Variants in NWD2 observed in about 807,000 individuals in gnomAD.
The protein encoded by NWD2 is NACHT and WD repeat domain containing 2, also known as NACHT and WD repeat domain-containing protein 2.
Under a neutral mutation model 132.7 loss-of-function variants are expected in NWD2, and 37 were observed. The ratio of observed to expected loss-of-function variants is 0.28; its 90% CI spans 0.21 to 0.37. The LOEUF (loss-of-function observed/expected upper bound fraction) is 0.37, where lower values mean the gene tolerates loss of function less well. Ranked by LOEUF, NWD2 falls within the 10% of genes least tolerant of loss-of-function variation. NWD2 has a pLI of 1.00. For synonymous variants in NWD2, 705 were observed against 803.0 expected (o/e 0.88, Z 2.06); for missense variants, 1,592 against 2,122.4 (o/e 0.75, Z 4.91).
At chr4:37,307,021 C>CAA (rs749143872) in intron 1 of NWD2, among the ~76,000 whole-genome samples, 17 of 104,298 alleles carry the variant, frequency 1.6e-4, no homozygotes, top group African/African-American at 4.3e-4. Flanking sequence ...GAGACTCCAT[C>CAA]AAAAAAAAAA....
At chr4:37,363,644 C>T (rs1252125424) in intron 3 of NWD2, among the ~76,000 whole-genome samples, 1 of 152,120 alleles carries the variant, frequency 6.6e-6, no homozygotes, top group Non-Finnish European at 1.5e-5. Context: ...CAGCCACACA[C>T]ACATGCTGCC....
intron 3 of NWD2, among the ~76,000 whole-genome samples, chr4:37,421,425 G>T (rs1711804671): frequency 6.6e-6 from 1 of 152,184 alleles, no homozygotes; most frequent in Non-Finnish European, 1.5e-5. Flanking sequence ...GTTGTGTTCA[G>T]TGTTTTCCAA....
chr4:37,392,207 AC>A (rs759242407), intron 3 of NWD2, among the ~76,000 whole-genome samples: 3 of 152,192 alleles, frequency 2.0e-5, no homozygotes, highest in African/African-American at 7.2e-5. Context: ...TCTCAAAAAA[AC>A]ATAATTAATT....
chr4:37,273,829 T>C (rs1399979479), intron 1 of NWD2, among the ~76,000 whole-genome samples: 1 of 152,104 alleles, frequency 6.6e-6, no homozygotes, highest in African/African-American at 2.4e-5. Context: ...CCTGAATGAC[T>C]ACTGGGTACA....
At chr4:37,276,130 A>G (rs1718006852) in intron 1 of NWD2, among the ~76,000 whole-genome samples, 1 of 152,206 alleles carries the variant, frequency 6.6e-6, no homozygotes, top group Non-Finnish European at 1.5e-5. Context: ...GCTTCTGCAT[A>G]GCAAAAAAAA....
intron 1 of NWD2, among the ~76,000 whole-genome samples, chr4:37,290,826 C>T (rs973676567): frequency 9.9e-5 from 15 of 152,268 alleles, no homozygotes; most frequent in African/African-American, 2.4e-4. Context: ...CTCTTCACTC[C>T]GCAGATGAAT....
rs1483814266 is a variant in NWD2, at chr4:37,444,235, C to A, written c.2247C>A (p.Asp749Glu). ...LIAQKLYLQD[D>E]NDLREMHTIL... ...CCCAGAAGCTATATCTGCAGGATGA[C>A]AATGACCTGCGTGAAATGCACACCA... The change falls in exon 7 of 7, where the codon GAC (aspartate) becomes GAA (glutamate). Residue 749 changes from aspartate to glutamate, a missense_variant. Asp to Glu is a conservative substitution (Grantham distance 45). This residue lies in a region of NWD2 where 1,071 missense variants were observed against 1,398.0 expected (regional missense o/e 0.77). Transcript: ENST00000309447. This position sits in a 1 kb window ranked among gnomAD's most constrained non-coding sequence, Gnocchi z 4.8. 7 of 1,551,688 alleles carry A rather than the reference C, an allele frequency of 4.5e-6. No homozygotes were observed. Among genetic ancestry groups the A allele is most frequent in the African/African-American group, 2.7e-5 (2 of 73,168 alleles).
At position 37,439,452 on chromosome 4, in the gene NWD2, T is replaced by C; in HGVS notation, c.1296+62T>C. On this transcript the variant is annotated intron_variant, in intron 6 of 6. Coordinates refer to ENST00000309447, the MANE Select transcript of NWD2 (RefSeq NM_001144990.2). The surrounding 1 kb of genome is among the most constrained non-coding windows in gnomAD (Gnocchi z 4.5). ...ACTTGTACTTTTGGAAAATGGTAAA[T>C]TAATCAAATTCATTTCTACTTTCTG... is the stretch of plus-strand genomic sequence containing the variant. 9.0e-7 allele frequency: 1 copy of C among 1,114,738 alleles called. No homozygotes were observed. The highest frequency in any genetic ancestry group is 1.2e-6 in the Non-Finnish European group (1 of 810,848). The allele number at this position is 1,114,738 out of a possible 1,614,324, so 69.1% of individuals were successfully genotyped here.
chr4:37,440,765 T>C (rs145866790), intron 6 of NWD2, among the ~76,000 whole-genome samples: 2 of 152,152 alleles, frequency 1.3e-5, no homozygotes, highest in East Asian at 3.9e-4. Context: ...CACTTTGGAA[T>C]GTGGTATCTG....
chr4:37,318,960 G>A (rs1719014157), intron 1 of NWD2, among the ~76,000 whole-genome samples: 1 of 152,068 alleles, frequency 6.6e-6, no homozygotes, highest in Non-Finnish European at 1.5e-5. Context: ...CTGTATTTTT[G>A]GTAGAATGAT....
intron 2 of NWD2, among the ~76,000 whole-genome samples, chr4:37,332,177 A>C (rs2170044): frequency 0.19 from 28,656 of 152,144 alleles, 2,981 homozygotes; most frequent in Non-Finnish European, 0.23. Context: ...CTTGGGGTGC[A>C]TGTGAACTAG....
intron 3 of NWD2, among the ~76,000 whole-genome samples, chr4:37,389,903 C>T (rs1354365753): frequency 4.6e-5 from 7 of 152,106 alleles, no homozygotes; most frequent in East Asian, 3.9e-4. Context: ...GCTTCAGCCT[C>T]GCGAGTAGCT....
chr4:37,344,877 TCTC>T (rs1428293575), intron 2 of NWD2, among the ~76,000 whole-genome samples: 7 of 152,116 alleles, frequency 4.6e-5, no homozygotes, highest in African/African-American at 1.4e-4. Flanking sequence ...AGCACCCCAT[TCTC>T]CTCCTCACTA....
intron 1 of NWD2, among the ~76,000 whole-genome samples, chr4:37,279,752 GAAATGCCTCTAAA>G (rs1718091550): frequency 6.6e-6 from 1 of 151,996 alleles, no homozygotes. Flanking sequence ...ATAATCAAAT[GAAATGCCTCTAAA>G]AAGTATAAAA....
At chr4:37,344,108 A>G (rs1719583945) in intron 2 of NWD2, among the ~76,000 whole-genome samples, 1 of 152,226 alleles carries the variant, frequency 6.6e-6, no homozygotes, top group African/African-American at 2.4e-5. Context: ...AATAAATAGT[A>G]AATTAGATTC....
intron 3 of NWD2, among the ~76,000 whole-genome samples, chr4:37,371,873 T>C (rs1720235096): frequency 6.6e-6 from 1 of 152,200 alleles, no homozygotes; most frequent in Non-Finnish European, 1.5e-5. Context: ...TTTTATATTT[T>C]AACATTTTTT....
At chr4:37,409,989 A>C (rs1721121575) in intron 3 of NWD2, among the ~76,000 whole-genome samples, 2 of 152,236 alleles carry the variant, frequency 1.3e-5, no homozygotes, top group South Asian at 4.1e-4. Flanking sequence ...CCTGCCTTAC[A>C]AGAGCTCCTG....
Position 37,244,813 on chromosome 4 carries a change from A to C in NWD2, c.-255A>C. 3 of 465,886 alleles carry C rather than the reference A, an allele frequency of 6.4e-6. No homozygotes were observed. The allele number at this position is 465,886 out of a possible 1,614,324, so 28.9% of individuals were successfully genotyped here. ...CCAGCTGGCTGCTGCTCGGAGCCCT[A>C]GCAGCGGGCGAAGGCGGAGGCCCAG... On this transcript the variant is annotated 5_prime_UTR_variant, in exon 1 of 7. Coordinates refer to ENST00000309447, the MANE Select transcript of NWD2 (RefSeq NM_001144990.2). The surrounding 1 kb of genome is among the most constrained non-coding windows in gnomAD (Gnocchi z 5.5).
Position 37,321,877 on chromosome 4 carries a change from A to G in NWD2, c.152-4059A>G, listed in dbSNP as rs1357589986. On this transcript the variant is annotated intron_variant, in intron 1 of 6. Transcript: ENST00000309447. ...GGATATGTGTATATGCTTCCTTCACATATTTAGAAAGGCTCAAAATATCTG... is the reference window on the plus strand; with the variant it reads ...GGATATGTGTATATGCTTCCTTCACGTATTTAGAAAGGCTCAAAATATCTG... Among the ~76,000 whole-genome samples, 7 of 152,228 alleles carry G rather than the reference A, an allele frequency of 4.6e-5. No individual in the cohort carries two copies. The East Asian group carries it at 1.2e-3, about 25-fold the overall frequency.
Sources: allele counts gnomAD v4.1 joint callset (sites outside exome capture counted in the v4.1 genomes callset), GRCh38; gene constraint gnomAD v4.1.1; regional missense constraint gnomAD v4.1.1; non-coding constraint Gnocchi (gnomAD v3.1); transcripts MANE v1.5; gene names NCBI Gene and HGNC (gene_info 2026-07-23, HGNC 2026-07-21).